PTK2: variants seen among roughly 807,000 people sequenced by gnomAD.
The protein encoded by PTK2 is protein tyrosine kinase 2.
A neutral mutation model predicts 150.1 loss-of-function variants in PTK2; 45 were observed. The ratio of observed to expected loss-of-function variants is 0.30; its 90% CI spans 0.24 to 0.38. The LOEUF is 0.38. PTK2 is among the 10% of genes least tolerant of loss of function. PTK2 has a pLI of 1.00. For missense variants in PTK2, 919 were observed against 1,307.3 expected, an observed-to-expected ratio of 0.70 and a Z score of 4.58; for synonymous variants, 432 against 449.2, an observed-to-expected ratio of 0.96 and a Z score of 0.48.
intron 18 of PTK2, among the ~76,000 whole-genome samples, chr8:140,745,733 C>G (rs2100058298): frequency 6.6e-6 from 1 of 152,162 alleles, no homozygotes; most frequent in Non-Finnish European, 1.5e-5. Context: ...TGCACGATGG[C>G]TCACACCTGT....
intron 2 of PTK2, among the ~76,000 whole-genome samples, chr8:140,902,950 T>TTG: frequency 2.8e-5 from 4 of 143,816 alleles, no homozygotes; most frequent in Non-Finnish European, 6.1e-5. Context: ...TTTTTTTTTT[T>TTG]TTTTTTTTTG....
At position 140,752,128 on chromosome 8, in the gene PTK2, T is replaced by C. The variant is rs567894489; in HGVS notation, c.1417+104A>G. On this transcript the variant is annotated intron_variant, in intron 17 of 31. Transcript: ENST00000522684. ...CAAGGCAAAATAATAAACATAGTTG[T>C]CTCCTAAAAGTCAAAACACTATTTT... is the stretch of plus-strand genomic sequence containing the variant. 51 of 948,110 alleles carry C rather than the reference T, an allele frequency of 5.4e-5. No individual in the cohort carries two copies. In the African/African-American group the frequency reaches 8.2e-4, roughly 15 times the overall value. The allele number at this position is 948,110 out of a possible 1,614,324, so 58.7% of individuals were successfully genotyped here. A position where few individuals can be genotyped will look rare whatever the true frequency, so the allele number is the denominator to read the frequency against.
At chr8:140,940,114 T>G (rs2100175133) in intron 1 of PTK2, among the ~76,000 whole-genome samples, 1 of 152,234 alleles carries the variant, frequency 6.6e-6, no homozygotes, top group Admixed American at 6.5e-5. Flanking sequence ...TATTGACATA[T>G]CCTAACATAT....
At chr8:140,981,571 T>G (rs2100191433) in intron 1 of PTK2, among the ~76,000 whole-genome samples, 1 of 152,254 alleles carries the variant, frequency 6.6e-6, no homozygotes, top group South Asian at 2.1e-4. Flanking sequence ...TGGCCCCACT[T>G]GTTTTTGTAC....
chr8:140,912,151 G>A (rs1431068694), intron 2 of PTK2, among the ~76,000 whole-genome samples: 3 of 151,714 alleles, frequency 2.0e-5, no homozygotes, highest in Admixed American at 2.0e-4. Flanking sequence ...GCTGAGGCAG[G>A]AGGACTGCTT....
intron 13 of PTK2, among the ~76,000 whole-genome samples, chr8:140,789,962 C>T (rs1207504105): frequency 6.6e-6 from 1 of 151,978 alleles, no homozygotes; most frequent in Admixed American, 6.6e-5. Context: ...AAATTTATGG[C>T]ACATAAAAAA....
chr8:140,874,872 C>T lies in PTK2; in HGVS notation c.362+4599G>A, dbSNP rs146114190. 4.5e-3 allele frequency among the ~76,000 whole-genome samples: 680 copies of T among 152,228 alleles called. 4 individuals are homozygous for T. The highest frequency in any genetic ancestry group is 0.016 in the African/African-American group (645 of 41,526). ...TGGGCTTCTTTTACACATGCATTATCAATATATTATTTAGTCAGTTTTCAT... is the reference window on the plus strand; with the variant it reads ...TGGGCTTCTTTTACACATGCATTATTAATATATTATTTAGTCAGTTTTCAT... On this transcript the variant is annotated intron_variant, in intron 4 of 31. Transcript: ENST00000522684.
chr8:140,893,977 G>C (rs2100155103), intron 2 of PTK2, among the ~76,000 whole-genome samples: 2 of 152,120 alleles, frequency 1.3e-5, no homozygotes, highest in Non-Finnish European at 2.9e-5. Context: ...TGTGTCTTCT[G>C]ATCCAGCAAT....
chr8:140,920,070 A>G (rs912235235), intron 2 of PTK2, among the ~76,000 whole-genome samples: 7 of 152,124 alleles, frequency 4.6e-5, no homozygotes, highest in Non-Finnish European at 1.5e-5. Context: ...TTCCTAAGGG[A>G]GTAACATGAC....
intron 4 of PTK2, among the ~76,000 whole-genome samples, chr8:140,868,455 A>C (rs1433512055): frequency 6.6e-6 from 1 of 152,230 alleles, no homozygotes; most frequent in Non-Finnish European, 1.5e-5. Context: ...CAGTGGGTGA[A>C]AGTGAGAAAC....
intron 2 of PTK2, among the ~76,000 whole-genome samples, chr8:140,903,120 G>A (rs542592025): frequency 1.3e-5 from 2 of 151,706 alleles, no homozygotes; most frequent in South Asian, 2.1e-4. Flanking sequence ...TAGGTCTTAC[G>A]TTTAAGTCTT....
In PTK2 at chr8:140,961,335, C is replaced by T. The variant is rs370163485; in HGVS notation, c.-121-35586G>A. On this transcript the variant is annotated intron_variant, in intron 1 of 31. Transcript: ENST00000522684. The stretch of plus-strand genomic sequence containing the variant: ...CAACCATACCAAATCTCCAGATAAA[C>T]TTCAAATTCCAAATGCAAAGTTTCC... Among the ~76,000 whole-genome samples the T allele has an allele frequency of 8.5e-5, 13 of 152,224 alleles. No homozygotes were observed. The East Asian group carries it at 2.5e-3, about 29-fold the overall frequency.
chr8:140,688,683 G>A (rs1190161359), intron 26 of PTK2, among the ~76,000 whole-genome samples: 1 of 152,204 alleles, frequency 6.6e-6, no homozygotes, highest in African/African-American at 2.4e-5. Context: ...TTGTACCACT[G>A]CACTACAGCC....
At chr8:140,978,283 T>G (rs2100190063) in intron 1 of PTK2, among the ~76,000 whole-genome samples, 1 of 152,192 alleles carries the variant, frequency 6.6e-6, no homozygotes, top group South Asian at 2.1e-4. Flanking sequence ...TTAAAGAGCT[T>G]CTGCACAGCA....
chr8:140,997,476 G>A (rs1268274956), intron 1 of PTK2, among the ~76,000 whole-genome samples: 1 of 152,242 alleles, frequency 6.6e-6, no homozygotes, highest in African/African-American at 2.4e-5. Context: ...CGAGCCAACT[G>A]ATGTGGCAAA....
chr8:140,972,421 C>T (rs192738496), intron 1 of PTK2, among the ~76,000 whole-genome samples: 27 of 152,224 alleles, frequency 1.8e-4, no homozygotes, highest in Non-Finnish European at 3.5e-4. Flanking sequence ...CACGCCACCA[C>T]GCCTGGCAAG....
Position 140,967,148 on chromosome 8 carries a change from T to C in PTK2, c.-122+33977A>G, listed in dbSNP as rs538301243. Among the ~76,000 whole-genome samples the C allele has an allele frequency of 1.1e-4, 16 of 152,320 alleles. No homozygotes were observed. In the East Asian group the frequency reaches 2.5e-3, roughly 24 times the overall value. On this transcript the variant is annotated intron_variant, in intron 1 of 31. Coordinates refer to ENST00000522684, the Ensembl canonical transcript of PTK2. The stretch of plus-strand genomic sequence containing the variant: ...AAAGAAGTTACTAAGTTTTCCAGGG[T>C]CACACAGCAAAGAAGGGAGAGACCA...
exon 32 of PTK2, chr8:140,658,401 C>G (rs1238006790): frequency 1.1e-5 from 2 of 181,968 alleles, no homozygotes; most frequent in Admixed American, 6.3e-5. Flanking sequence ...ACAACAAGAA[C>G]TTTACTGGTA....
chr8:140,700,570 A>G (rs1167516808), intron 26 of PTK2, among the ~76,000 whole-genome samples: 1 of 147,140 alleles, frequency 6.8e-6, no homozygotes, highest in Non-Finnish European at 1.5e-5. Flanking sequence ...TGCAACCTCC[A>G]CCTCCTGGGT....
Sources: gnomAD v4.1 joint callset for allele counts (sites outside exome capture counted in the v4.1 genomes callset) on GRCh38, gnomAD v4.1.1 for gene constraint, MANE v1.5 for transcripts, NCBI Gene and HGNC (gene_info 2026-07-23, HGNC 2026-07-21) for gene names.